ARFGEF1: variants seen among roughly 807,000 people sequenced by gnomAD.
ARFGEF1 encodes brefeldin A-inhibited guanine nucleotide-exchange protein 1.
ARFGEF1 carries 42 observed loss-of-function variants against 231.0 expected under a neutral mutation model. The observed-to-expected ratio is 0.18, with a 90% CI of 0.14 to 0.24. ARFGEF1 has a LOEUF of 0.24. Among genes scored for constraint, ARFGEF1 ranks in the 10% least tolerant of loss-of-function variants. The pLI is 1.00. For missense variants in ARFGEF1, 1,345 were observed against 2,192.0 expected, an observed-to-expected ratio of 0.61 and a Z score of 7.72; for synonymous variants, 710 against 732.3, an observed-to-expected ratio of 0.97 and a Z score of 0.49.
At position 67,287,827 on chromosome 8, in the gene ARFGEF1, T is replaced by C. The variant is rs538186941; in HGVS notation, c.1027+128A>G. ...AAGGCCAAAATCCTAAATGTGGAAT[T>C]TGTAACTTTCCATTGGTTGGCTCCA... is the stretch of plus-strand genomic sequence containing the variant. On this transcript the variant is annotated intron_variant, in intron 7 of 38. Coordinates refer to ENST00000262215, the MANE Select transcript of ARFGEF1 (RefSeq NM_006421.5). The C allele has an allele frequency of 1.4e-4, 73 of 540,504 alleles. No homozygotes were observed. The South Asian group carries it at 4.4e-3, about 32-fold the overall frequency. The allele number at this position is 540,504 out of a possible 1,614,324, so 33.5% of individuals were successfully genotyped here.
In ARFGEF1 at chr8:67,343,216, T is replaced by C; in HGVS notation, c.72A>G (p.Glu24=). Residue 24 remains glutamate, a synonymous_variant, in exon 1 of 39, where the codon GAA becomes GAG. Transcript: ENST00000262215. The part of the protein sequence containing the change: ...RALEKILADK[E]VKKAHHSQLR... Reference sequence around the variant, plus strand: ...GCTGGGAGTGATGCGCCTTCTTCACTTCCTTGTCGGCCAATATCTTCTCCA... The same window carrying C: ...GCTGGGAGTGATGCGCCTTCTTCACCTCCTTGTCGGCCAATATCTTCTCCA... 2 of 1,602,562 alleles carry C rather than the reference T, an allele frequency of 1.2e-6. No homozygotes were observed. The highest frequency in any genetic ancestry group is 1.7e-6 in the Non-Finnish European group (2 of 1,172,864).
At chr8:67,262,371 A>T (rs551268664) in intron 14 of ARFGEF1, among the ~76,000 whole-genome samples, 2 of 152,306 alleles carry the variant, frequency 1.3e-5, no homozygotes, top group South Asian at 4.1e-4. Context: ...TTAACATATG[A>T]GTAGCTGCTT....
At chr8:67,306,998 C>A (rs1387521927) in intron 1 of ARFGEF1, among the ~76,000 whole-genome samples, 1 of 152,160 alleles carries the variant, frequency 6.6e-6, no homozygotes, top group East Asian at 1.9e-4. Context: ...AGGCTGGTCT[C>A]GAACTCCTGA....
At chr8:67,320,542 T>C (rs1260025050) in intron 1 of ARFGEF1, among the ~76,000 whole-genome samples, 1 of 152,190 alleles carries the variant, frequency 6.6e-6, no homozygotes, top group Non-Finnish European at 1.5e-5. Flanking sequence ...TAAGTTTATG[T>C]AAAAATCTGT....
intron 19 of ARFGEF1, among the ~76,000 whole-genome samples, chr8:67,250,584 A>G (rs1002903657): frequency 3.9e-5 from 6 of 152,214 alleles, no homozygotes; most frequent in Admixed American, 1.3e-4. Context: ...CTACCCACAC[A>G]TACGTGTAGT....
chr8:67,259,505 CAT>C (rs775744594), intron 15 of ARFGEF1, among the ~76,000 whole-genome samples: 37 of 152,196 alleles, frequency 2.4e-4, no homozygotes, highest in African/African-American at 6.5e-4. Flanking sequence ...TGGAATTACA[CAT>C]GTGAGCCACT....
At chr8:67,235,440 T>C (rs1284484755) in intron 22 of ARFGEF1, among the ~76,000 whole-genome samples, 1 of 152,146 alleles carries the variant, frequency 6.6e-6, no homozygotes, top group African/African-American at 2.4e-5. Flanking sequence ...ATATTTAGGT[T>C]AAATAAGATT....
At chr8:67,276,221 G>T in intron 8 of ARFGEF1, 112 bp from the exon 9 acceptor site, 1 of 1,173,668 alleles carries the variant, frequency 8.5e-7, no homozygotes, top group Non-Finnish European at 1.2e-6. Flanking sequence ...TTCCCCCACT[G>T]TTGGAAGGGG....
chr8:67,185,099 C>T (rs1442945404), intron 5 of ARFGEF1, among the ~76,000 whole-genome samples: 2 of 145,408 alleles, frequency 1.4e-5, no homozygotes, highest in African/African-American at 2.7e-5. Context: ...AGCAAGACTC[C>T]GTCTCAAAAA....
chr8:67,209,103 G>T (rs894995493), intron 34 of ARFGEF1, among the ~76,000 whole-genome samples: 2 of 152,172 alleles, frequency 1.3e-5, no homozygotes, highest in Non-Finnish European at 2.9e-5. Context: ...TAATGCAAAA[G>T]AACTGAAAAC....
intron 9 of ARFGEF1, among the ~76,000 whole-genome samples, chr8:67,272,456 G>C (rs531133696): frequency 6.6e-6 from 1 of 151,716 alleles, no homozygotes; most frequent in Non-Finnish European, 1.5e-5. Context: ...ATGAGCCACC[G>C]CGCCTGGCCC....
intron 1 of ARFGEF1, among the ~76,000 whole-genome samples, chr8:67,324,709 CAT>C (rs1397845389): frequency 2.6e-5 from 4 of 152,192 alleles, no homozygotes; most frequent in East Asian, 1.9e-4. Context: ...GTAGGAACCA[CAT>C]ATGTGTTCCC....
At chr8:67,212,567 G>A (rs904796940) in intron 33 of ARFGEF1, among the ~76,000 whole-genome samples, 1 of 152,218 alleles carries the variant, frequency 6.6e-6, no homozygotes. Context: ...ACTCCTCCTC[G>A]AGCTTTCTTT....
chr8:67,279,473 A>G (rs1334853930), intron 7 of ARFGEF1, among the ~76,000 whole-genome samples: 3 of 152,270 alleles, frequency 2.0e-5, no homozygotes, highest in South Asian at 2.1e-4. Context: ...AAACATTCAA[A>G]TATTTTCACA....
At chr8:67,243,631 C>A (rs1338021103) in intron 19 of ARFGEF1, among the ~76,000 whole-genome samples, 5 of 152,078 alleles carry the variant, frequency 3.3e-5, no homozygotes, top group Non-Finnish European at 1.5e-5. Context: ...GAAAGCCTTC[C>A]CAAGAAGGAT....
intron 1 of ARFGEF1, among the ~76,000 whole-genome samples, chr8:67,313,754 G>A (rs1273358459): frequency 2.0e-5 from 3 of 152,200 alleles, no homozygotes; most frequent in African/African-American, 7.2e-5. Flanking sequence ...GCCAGGAGTG[G>A]TGCTTTCCAG....
chr8:67,258,569 G>A (rs1473243460), intron 15 of ARFGEF1, among the ~76,000 whole-genome samples: 4 of 151,860 alleles, frequency 2.6e-5, no homozygotes, highest in Non-Finnish European at 5.9e-5. Context: ...TAATCTACCC[G>A]CCTCAGCCTC....
At chr8:67,233,609 C>T (rs1839622097) in intron 22 of ARFGEF1, among the ~76,000 whole-genome samples, 2 of 151,924 alleles carry the variant, frequency 1.3e-5, no homozygotes, top group African/African-American at 4.8e-5. Context: ...TAGTTCTGGC[C>T]CTCATAATCT....
At chr8:67,195,157 G>GATC (rs747181913), downstream of ARFGEF1, among the ~76,000 whole-genome samples, 1 of 152,054 alleles carries the variant, frequency 6.6e-6, no homozygotes, top group Non-Finnish European at 1.5e-5. Flanking sequence ...TTACTCAGTT[G>GATC]ATCATTTTTT....
Sources: allele counts gnomAD v4.1 joint callset (sites outside exome capture counted in the v4.1 genomes callset), GRCh38; gene constraint gnomAD v4.1.1; transcripts MANE v1.5; gene names NCBI Gene and HGNC (gene_info 2026-07-23, HGNC 2026-07-21).